TBC1D22A: variants seen among roughly 807,000 people sequenced by gnomAD.
TBC1D22A encodes TBC1 domain family member 22A, also known as putative GTPase activator.
TBC1D22A carries 38 observed loss-of-function variants against 60.2 expected under a neutral mutation model. That is an observed-to-expected ratio of 0.63 (90% CI 0.49 to 0.83). The LOEUF (loss-of-function observed/expected upper bound fraction) is 0.83, where lower values mean the gene tolerates loss of function less well. Ranked by LOEUF, TBC1D22A falls within the 40% of genes least tolerant of loss-of-function variation. The probability of loss-of-function intolerance (pLI) is 0.00; values close to 1 mark genes in which losing one functional copy is unlikely to be tolerated. For missense variants in TBC1D22A, 628 were observed against 701.0 expected, an observed-to-expected ratio of 0.90 and a Z score of 1.18; for synonymous variants, 302 against 281.7, an observed-to-expected ratio of 1.07 and a Z score of -0.72.
At chr22:46,828,709 C>T (rs1198357668) in intron 4 of TBC1D22A, among the ~76,000 whole-genome samples, 1 of 152,202 alleles carries the variant, frequency 6.6e-6, no homozygotes, top group Non-Finnish European at 1.5e-5. Context: ...CACCTCTCAC[C>T]ACCTCCCACT....
chr22:47,126,045 G>A (rs1232306654), intron 12 of TBC1D22A, among the ~76,000 whole-genome samples: 2 of 152,138 alleles, frequency 1.3e-5, no homozygotes, highest in Non-Finnish European at 2.9e-5. Flanking sequence ...GCAGTGGCAC[G>A]ATCTTGGCTC....
intron 12 of TBC1D22A, among the ~76,000 whole-genome samples, chr22:47,167,131 C>T (rs750912425): frequency 2.5e-4 from 38 of 152,208 alleles, no homozygotes; most frequent in Non-Finnish European, 4.4e-4. Flanking sequence ...ACGATGACCA[C>T]GTTCGTCTTT....
At chr22:47,129,019 A>G (rs1471214856) in intron 12 of TBC1D22A, among the ~76,000 whole-genome samples, 1 of 152,200 alleles carries the variant, frequency 6.6e-6, no homozygotes, top group Non-Finnish European at 1.5e-5. Context: ...TCACCAGGAT[A>G]CGTAGGCCTC....
chr22:47,070,897 G>A (rs1318614883), intron 11 of TBC1D22A, among the ~76,000 whole-genome samples: 1 of 151,288 alleles, frequency 6.6e-6, no homozygotes, highest in East Asian at 1.9e-4. Flanking sequence ...ACGGTTCCAG[G>A]CTGTTCCCTG....
intron 10 of TBC1D22A, among the ~76,000 whole-genome samples, chr22:47,022,052 A>T (rs2062107455): frequency 6.6e-6 from 1 of 152,222 alleles, no homozygotes; most frequent in Non-Finnish European, 1.5e-5. Context: ...TACAATCAGG[A>T]TTAATAAAAA....
At chr22:46,995,096 A>G (rs2075074760) in intron 9 of TBC1D22A, among the ~76,000 whole-genome samples, 1 of 152,204 alleles carries the variant, frequency 6.6e-6, no homozygotes, top group Admixed American at 6.5e-5. Context: ...TATTTTGGAC[A>G]GCCAAATTCA....
chr22:46,933,655 G>A (rs2071481727), intron 8 of TBC1D22A, among the ~76,000 whole-genome samples: 1 of 152,214 alleles, frequency 6.6e-6, no homozygotes. Context: ...GTGCCAGGGT[G>A]GCACTGGCCG....
At chr22:46,769,128 G>A (rs1173257028) in intron 1 of TBC1D22A, among the ~76,000 whole-genome samples, 1 of 149,430 alleles carries the variant, frequency 6.7e-6, no homozygotes, top group East Asian at 2.0e-4. Flanking sequence ...AAAGTGTTAT[G>A]GTAGCAAGAA....
chr22:47,113,746 C>T (rs1039039485), intron 12 of TBC1D22A, among the ~76,000 whole-genome samples: 3 of 152,314 alleles, frequency 2.0e-5, no homozygotes, highest in Non-Finnish European at 4.4e-5. Context: ...AGCTTGTGGG[C>T]GGGGTTTCTT....
At chr22:46,820,505 C>T (rs1479853832) in intron 4 of TBC1D22A, among the ~76,000 whole-genome samples, 1 of 152,170 alleles carries the variant, frequency 6.6e-6, no homozygotes, top group East Asian at 1.9e-4. Context: ...AGGAGTCATT[C>T]AGGAGCAAGT....
chr22:46,862,952 G>T (rs1013600360), intron 4 of TBC1D22A, among the ~76,000 whole-genome samples: 3 of 152,204 alleles, frequency 2.0e-5, no homozygotes, highest in African/African-American at 7.2e-5. Context: ...TTGCCTGTAG[G>T]TAGAGTGTCT....
chr22:47,047,521 C>T (rs1420716523), intron 11 of TBC1D22A, among the ~76,000 whole-genome samples: 1 of 152,142 alleles, frequency 6.6e-6, no homozygotes, highest in Non-Finnish European at 1.5e-5. Context: ...CAGCCCCGAG[C>T]GGAGCAGCAA....
intron 12 of TBC1D22A, among the ~76,000 whole-genome samples, chr22:47,163,139 C>G (rs997689712): frequency 9.2e-5 from 14 of 152,190 alleles, no homozygotes; most frequent in Non-Finnish European, 1.6e-4. Flanking sequence ...GGTTCCTTTT[C>G]CAACAAGCAC....
chr22:46,880,801 T>TG (rs1211180628), intron 5 of TBC1D22A, among the ~76,000 whole-genome samples: 1 of 152,084 alleles, frequency 6.6e-6, no homozygotes, highest in Non-Finnish European at 1.5e-5. Flanking sequence ...TGTGGAGACT[T>TG]GCAGTCACAA....
intron 11 of TBC1D22A, among the ~76,000 whole-genome samples, chr22:47,082,802 A>G (rs2064523790): frequency 6.6e-6 from 1 of 152,230 alleles, no homozygotes. Context: ...TGGTACCACC[A>G]CTTTGGAAAA....
At chr22:47,071,878 G>A (rs1431279684) in intron 11 of TBC1D22A, among the ~76,000 whole-genome samples, 3 of 152,172 alleles carry the variant, frequency 2.0e-5, no homozygotes, top group African/African-American at 7.2e-5. Context: ...TCCCTGGGTT[G>A]TGATGATAAA....
intron 12 of TBC1D22A, among the ~76,000 whole-genome samples, chr22:47,122,614 T>G (rs1267225953): frequency 6.6e-6 from 1 of 152,178 alleles, no homozygotes; most frequent in African/African-American, 2.4e-5. Context: ...GCTACTAGCC[T>G]CAGACTTCAG....
At chr22:46,932,379 G>A (rs2071401911) in intron 8 of TBC1D22A, among the ~76,000 whole-genome samples, 1 of 152,248 alleles carries the variant, frequency 6.6e-6, no homozygotes, top group Non-Finnish European at 1.5e-5. Flanking sequence ...TGAGAATTCA[G>A]ATGTGGTGTT....
chr22:47,091,381 T>C (rs2064962956), intron 11 of TBC1D22A, among the ~76,000 whole-genome samples: 1 of 132,824 alleles, frequency 7.5e-6, no homozygotes, highest in African/African-American at 2.9e-5. Context: ...GGGTTGTTGA[T>C]AGAGACAGGC....
Sources: allele counts gnomAD v4.1 joint callset (sites outside exome capture counted in the v4.1 genomes callset), GRCh38; gene constraint gnomAD v4.1.1; transcripts MANE v1.5; gene names NCBI Gene and HGNC (gene_info 2026-07-23, HGNC 2026-07-21).